The following EGLN1 variants were observed in gnomAD, a reference collection of about 807,000 sequenced individuals.
The protein encoded by EGLN1 is egl-9 family hypoxia inducible factor 1.
A neutral mutation model predicts 38.3 loss-of-function variants in EGLN1; 17 were observed. That is an observed-to-expected ratio of 0.44 (90% CI 0.30 to 0.67). The LOEUF is 0.67. Ranked by LOEUF, EGLN1 falls within the 30% of genes least tolerant of loss-of-function variation. The pLI, the probability that EGLN1 is intolerant of heterozygous loss-of-function variation, is 0.08. For synonymous variants in EGLN1, 283 were observed against 257.5 expected (o/e 1.10, Z -0.95); for missense variants, 477 against 603.3 (o/e 0.79, Z 2.19).
chr1:231,386,759 A>C (rs547338852), intron 1 of EGLN1, among the ~76,000 whole-genome samples: 45 of 152,250 alleles, frequency 3.0e-4, no homozygotes, highest in Non-Finnish European at 5.9e-4. Flanking sequence ...AGACAGATAA[A>C]GAAGAGTAAC....
At chr1:231,390,007 AT>A (rs1164707492) in intron 1 of EGLN1, among the ~76,000 whole-genome samples, 4 of 151,476 alleles carry the variant, frequency 2.6e-5, no homozygotes, top group Non-Finnish European at 4.4e-5. Flanking sequence ...CTGAAGCCAG[AT>A]TTCCTGCACA....
chr1:231,369,671 G>T, intron 3 of EGLN1: 1 of 861,616 alleles, frequency 1.2e-6, no homozygotes, highest in Non-Finnish European at 1.4e-6. Context: ...TAATCAAGTC[G>T]TTAGAGTCAA....
At chr1:231,366,806 A>G (rs1405378753) in intron 4 of EGLN1, among the ~76,000 whole-genome samples, 2 of 152,280 alleles carry the variant, frequency 1.3e-5, no homozygotes, top group Non-Finnish European at 2.9e-5. Flanking sequence ...GGCTTTAAAA[A>G]TACATAGAAA....
At chr1:231,403,981 TTCC>T (rs1328317201) in intron 1 of EGLN1, among the ~76,000 whole-genome samples, 4 of 152,060 alleles carry the variant, frequency 2.6e-5, no homozygotes, top group Non-Finnish European at 5.9e-5. Context: ...TTAACTTCAT[TTCC>T]TCAATTCCTT....
chr1:231,416,122 G>T (rs1006898167), intron 1 of EGLN1, among the ~76,000 whole-genome samples: 1 of 151,956 alleles, frequency 6.6e-6, no homozygotes, highest in Non-Finnish European at 1.5e-5. Flanking sequence ...AAGTGCTGGG[G>T]TAACAGGCGT....
intron 4 of EGLN1, 92 bp downstream of exon 4, chr1:231,367,477 G>T: frequency 1.6e-6 from 2 of 1,269,300 alleles, no homozygotes; most frequent in Non-Finnish European, 2.3e-6. Flanking sequence ...TATTCATGGT[G>T]TTAACAAAGA....
At chr1:231,416,878 C>T (rs1361282200) in intron 1 of EGLN1, among the ~76,000 whole-genome samples, 1 of 152,162 alleles carries the variant, frequency 6.6e-6, no homozygotes, top group Non-Finnish European at 1.5e-5. Context: ...GAGTAACTCA[C>T]TTTTAACTTA....
intron 1 of EGLN1, 112 bp downstream of exon 1, chr1:231,420,886 A>G (rs566105380): frequency 5.9e-5 from 95 of 1,600,644 alleles, no homozygotes; most frequent in Non-Finnish European, 7.8e-5. Flanking sequence ...AGAAAGAGCG[A>G]GTCCCTTCTA....
chr1:231,404,551 G>A (rs1327899955), intron 1 of EGLN1, among the ~76,000 whole-genome samples: 1 of 151,986 alleles, frequency 6.6e-6, no homozygotes, highest in Non-Finnish European at 1.5e-5. Flanking sequence ...GGTGAGGCAG[G>A]AGGATTGCTT....
intron 1 of EGLN1, among the ~76,000 whole-genome samples, chr1:231,397,460 A>G (rs1416913): frequency 6.6e-6 from 1 of 151,676 alleles, no homozygotes; most frequent in Non-Finnish European, 1.5e-5. Context: ...CAGGCCAAAT[A>G]TGGCCTACCA....
chr1:231,402,910 A>T (rs932510394), intron 1 of EGLN1, among the ~76,000 whole-genome samples: 41 of 27,306 alleles, frequency 1.5e-3, no homozygotes, highest in South Asian at 7.0e-3. Context: ...TATCTTTATT[A>T]AAAAAAAAAA....
At chr1:231,395,817 G>A (rs965654423) in intron 1 of EGLN1, among the ~76,000 whole-genome samples, 41 of 152,124 alleles carry the variant, frequency 2.7e-4, no homozygotes, top group Non-Finnish European at 4.6e-4. Flanking sequence ...GGGCATCCAT[G>A]CCAGACCTAC....
At chr1:231,370,225 A>G (rs1057249447) in intron 3 of EGLN1, among the ~76,000 whole-genome samples, 5 of 152,122 alleles carry the variant, frequency 3.3e-5, no homozygotes, top group African/African-American at 1.2e-4. Context: ...CTCTCTCCCA[A>G]GTAAAATACT....
chr1:231,391,094 G>GT (rs1558387195), intron 1 of EGLN1, among the ~76,000 whole-genome samples: 2,053 of 41,358 alleles, frequency 0.05, 118 homozygotes, highest in Middle Eastern at 0.18. Context: ...TTTTTTTTTT[G>GT]TGTGTGTGTG....
intron 1 of EGLN1, among the ~76,000 whole-genome samples, chr1:231,411,532 C>T (rs765943803): frequency 9.2e-5 from 14 of 152,078 alleles, no homozygotes; most frequent in Non-Finnish European, 1.9e-4. Flanking sequence ...TAAAAATTAG[C>T]CTTAAACTGA....
intron 1 of EGLN1, among the ~76,000 whole-genome samples, chr1:231,420,783 C>G (rs1316943676): frequency 6.6e-6 from 1 of 152,104 alleles, no homozygotes. Context: ...AGTTTGTGAA[C>G]GGGCAGTAAG....
chr1:231,401,629 G>T (rs1688666755), intron 1 of EGLN1, among the ~76,000 whole-genome samples: 1 of 152,150 alleles, frequency 6.6e-6, no homozygotes, highest in African/African-American at 2.4e-5. Context: ...ATGTTTCTGA[G>T]ATTCATCTGA....
At chr1:231,391,108 G>GTGTC (rs1558387263) in intron 1 of EGLN1, among the ~76,000 whole-genome samples, 1 of 149,882 alleles carries the variant, frequency 6.7e-6, no homozygotes. Flanking sequence ...GTGTGTGTGT[G>GTGTC]TGTGTGTGTG....
At chr1:231,403,733 A>ACATG (rs1688718516) in intron 1 of EGLN1, among the ~76,000 whole-genome samples, 1 of 139,760 alleles carries the variant, frequency 7.2e-6, no homozygotes, top group African/African-American at 2.8e-5. Flanking sequence ...GAGCCACTGC[A>ACATG]CTCCAGCATG....
Sources: gnomAD v4.1 joint callset for allele counts (sites outside exome capture counted in the v4.1 genomes callset) on GRCh38, gnomAD v4.1.1 for gene constraint, MANE v1.5 for transcripts, NCBI Gene and HGNC (gene_info 2026-07-23, HGNC 2026-07-21) for gene names.